Variants in TTLL3 observed in about 807,000 individuals in gnomAD.
The protein encoded by TTLL3 is tubulin tyrosine ligase like 3.
Under a neutral mutation model 75.2 loss-of-function variants are expected in TTLL3, and 63 were observed. The observed-to-expected ratio is 0.84, with a 90% CI of 0.68 to 1.03. The LOEUF (loss-of-function observed/expected upper bound fraction) is 1.03. Among genes scored for constraint, TTLL3 ranks in the 50% least tolerant of loss-of-function variants. The pLI, the probability that TTLL3 is intolerant of heterozygous loss-of-function variation, is 0.00. For missense variants in TTLL3, 997 were observed against 1,069.9 expected (o/e 0.93, Z 0.95); for synonymous variants, 393 against 418.5 (o/e 0.94, Z 0.74).
chr3:9,823,731 C>G (rs905417597), intron 8 of TTLL3, among the ~76,000 whole-genome samples: 8 of 152,080 alleles, frequency 5.3e-5, no homozygotes, highest in African/African-American at 1.9e-4. Flanking sequence ...GCTGCCTCCT[C>G]CTTAAAAAAG....
At chr3:9,820,328 C>T in intron 7 of TTLL3, 5 of 1,396,276 alleles carry the variant, frequency 3.6e-6, no homozygotes, top group Non-Finnish European at 4.6e-6. Context: ...CCTCGAGTGA[C>T]AGGTCCTGGG....
At chr3:9,834,274 A>G in intron 12 of TTLL3, 1 of 427,888 alleles carries the variant, frequency 2.3e-6, no homozygotes, top group South Asian at 1.7e-5. Flanking sequence ...TTCCCACTGC[A>G]GTATTCTGCC....
intron 9 of TTLL3, 103 bp from the exon 10 acceptor site, chr3:9,826,894 C>A: frequency 6.4e-7 from 1 of 1,561,770 alleles, no homozygotes; most frequent in East Asian, 2.3e-5. Flanking sequence ...GCCTTACCCA[C>A]TCAGCCCTAT....
intron 8 of TTLL3, among the ~76,000 whole-genome samples, chr3:9,823,853 T>C (rs2080759311): frequency 6.6e-6 from 1 of 152,124 alleles, no homozygotes. Flanking sequence ...AATGCGAGAG[T>C]CTGGATGAGG....
chr3:9,819,913 C>T, intron 7 of TTLL3: 1 of 985,758 alleles, frequency 1.0e-6, no homozygotes. Context: ...GGTCAGGCTG[C>T]AGGGGTTTGA....
Position 9,835,515 on chromosome 3 carries a change from C to G in TTLL3, c.*26C>G, listed in dbSNP as rs370479487. ...GGCCATCAGCAGCTCCTCCGTGCAG[C>G]GAGGCCCAGAATTCCCACCTAAGGA... On this transcript the variant is annotated 3_prime_UTR_variant, in exon 14 of 14. Coordinates refer to ENST00000685419, the MANE Select transcript of TTLL3 (RefSeq NM_001387446.1). 1.9e-6 allele frequency: 3 copies of G among 1,543,116 alleles called. No individual in the cohort carries two copies. In the African/African-American group the frequency reaches 4.1e-5, roughly 21 times the overall value.
chr3:9,834,541 C>T (rs2125008578), intron 12 of TTLL3, 140 bp from the exon 13 acceptor site: 1 of 1,355,646 alleles, frequency 7.4e-7, no homozygotes, highest in South Asian at 1.3e-5. Flanking sequence ...CTCACTGCCT[C>T]TGGAGGAGGA....
intron 2 of TTLL3, among the ~76,000 whole-genome samples, chr3:9,812,301 G>A (rs1433919507): frequency 6.6e-6 from 1 of 152,156 alleles, no homozygotes; most frequent in Non-Finnish European, 1.5e-5. Flanking sequence ...CTTGGCCTGA[G>A]GCCAGGAGTT....
At chr3:9,823,217 A>C (rs2080656871) in intron 8 of TTLL3, among the ~76,000 whole-genome samples, 1 of 151,978 alleles carries the variant, frequency 6.6e-6, no homozygotes, top group South Asian at 2.1e-4. Context: ...CCCCATCTCT[A>C]CTAAAAATAC....
At position 9,810,707 on chromosome 3, in the gene TTLL3, A is replaced by T; in HGVS notation, c.46A>T (p.Lys16Ter). Residue 16 changes from lysine to a stop codon, truncating the protein, a stop_gained and splice_region_variant, in exon 2 of 14, where the codon AAG (lysine) becomes TAG (stop). Coordinates refer to ENST00000685419, the MANE Select transcript of TTLL3 (RefSeq NM_001387446.1). LOFTEE classifies it high-confidence loss of function. This position sits in a 1 kb window ranked among gnomAD's most constrained non-coding sequence, Gnocchi z 4.4. ...CAAAATCTACGTGGAGAGAGCTGTCAAGGTCAGAGGAGGGGCAGGGGCGCT... is the reference window on the plus strand; with the variant it reads ...CAAAATCTACGTGGAGAGAGCTGTCTAGGTCAGAGGAGGGGCAGGGGCGCT... ...NAKIYVERAV[K>*]QKKIFTIQGC... The T allele has an allele frequency of 6.3e-7, 1 of 1,585,310 alleles. No individual in the cohort carries two copies. The highest frequency in any genetic ancestry group is 8.6e-7 in the Non-Finnish European group (1 of 1,166,070).
chr3:9,827,289 C>T, intron 10 of TTLL3, 49 bp downstream of exon 10: 2 of 1,599,762 alleles, frequency 1.3e-6, no homozygotes, highest in Non-Finnish European at 1.7e-6. Flanking sequence ...AGTTGGGGAG[C>T]TGGCAAGCAA....
chr3:9,825,783 CTA>C lies in TTLL3; in HGVS notation c.855-15_855-14del, dbSNP rs1344455978. On this transcript the variant is annotated splice_polypyrimidine_tract_variant and intron_variant, in intron 8 of 13. Coordinates refer to ENST00000685419, the MANE Select transcript of TTLL3 (RefSeq NM_001387446.1). ...TCCCAGGTCCAGCCCTGCCCAAGTT[CTA>C]TCATTTCCCCACAGCGAAGGGGCAG... The C allele has an allele frequency of 6.2e-7, 1 of 1,614,080 alleles. No individual in the cohort carries two copies. The highest frequency in any genetic ancestry group is 1.1e-5 in the South Asian group (1 of 91,082).
At chr3:9,827,552 A>G (rs1420879226) in intron 10 of TTLL3, 3 of 317,694 alleles carry the variant, frequency 9.4e-6, no homozygotes, top group Non-Finnish European at 1.8e-5. Flanking sequence ...ACAGGCATGT[A>G]CCACAGCTGA....
At chr3:9,815,381 T>C (rs541722526) in intron 4 of TTLL3, among the ~76,000 whole-genome samples, 1 of 152,352 alleles carries the variant, frequency 6.6e-6, no homozygotes, top group South Asian at 2.1e-4. Flanking sequence ...AGAGATAACC[T>C]TAGCCCCTAC....
intron 2 of TTLL3, among the ~76,000 whole-genome samples, chr3:9,811,102 G>A (rs987740809): frequency 1.3e-5 from 2 of 152,074 alleles, no homozygotes; most frequent in African/African-American, 4.8e-5. Flanking sequence ...GCTTTTCAGC[G>A]GCCTTTAAAG....
At chr3:9,809,810 G>C (rs986663737), upstream of TTLL3, 1 of 401,686 alleles carries the variant, frequency 2.5e-6, no homozygotes, top group Non-Finnish European at 4.3e-6. Context: ...CTGCCCCGGG[G>C]CCCATCGCAG....
In TTLL3 at chr3:9,813,302, A is replaced by G. The variant is rs2079520144; in HGVS notation, c.272A>G (p.Asp91Gly). The G allele has an allele frequency of 6.2e-7, 1 of 1,614,080 alleles. No individual in the cohort carries two copies. The highest frequency in any genetic ancestry group is 8.5e-7 in the Non-Finnish European group (1 of 1,180,042). Reference protein sequence around the residue: ...FQPSQLFDFDDLLKFDDLDGT... With the variant: ...FQPSQLFDFDGLLKFDDLDGT... ...CCATCACAGCTGTTCGACTTCGATG[A>G]TTTACTGAAATTTGATGACCTAGAT... The change falls in exon 4 of 14, where the codon GAT becomes GGT. Residue 91 changes from aspartate to glycine, a missense_variant. By Grantham distance (94) the Asp-to-Gly change is moderately conservative. Transcript: ENST00000685419.
rs13072309 is a variant in TTLL3, at chr3:9,823,211, A to G, written c.854+2470A>G. On this transcript the variant is annotated intron_variant, in intron 8 of 13. Transcript: ENST00000685419. ...ATCCTGGCTAACATGGTGAAACCCC[A>G]TCTCTACTAAAAATACAAAAAAATT... Among the ~76,000 whole-genome samples, 347 of 152,058 alleles carry G rather than the reference A, an allele frequency of 2.3e-3. 1 individual carries two copies. Among genetic ancestry groups the G allele is most frequent in the Admixed American group, 4.2e-3 (64 of 15,260 alleles).
At chr3:9,820,220 C>T in intron 7 of TTLL3, 2 of 1,100,966 alleles carry the variant, frequency 1.8e-6, no homozygotes, top group Non-Finnish European at 2.2e-6. Context: ...GCCAAGACTC[C>T]CAGGTGCATT....
Sources: gnomAD v4.1 joint callset for allele counts (sites outside exome capture counted in the v4.1 genomes callset) on GRCh38, gnomAD v4.1.1 for gene constraint, Gnocchi (gnomAD v3.1) non-coding constraint, MANE v1.5 for transcripts, NCBI Gene and HGNC (gene_info 2026-07-23, HGNC 2026-07-21) for gene names.